OTOF: variants seen among roughly 807,000 people sequenced by gnomAD.
OTOF encodes the protein fer-1-like family member 2.
In OTOF, 218 loss-of-function variants were observed where a neutral mutation model predicts 236.8. The observed-to-expected ratio is 0.92, with a 90% confidence interval of 0.82 to 1.03. The LOEUF is 1.03. Ranked by LOEUF, OTOF falls within the 50% of genes least tolerant of loss-of-function variation. The pLI is 0.00. For missense variants in OTOF, 2,590 were observed against 2,694.4 expected (o/e 0.96, Z 0.86); for synonymous variants, 1,041 against 1,072.5 (o/e 0.97, Z 0.57).
At chr2:26,513,926 G>A (rs76222393) in intron 5 of OTOF, among the ~76,000 whole-genome samples, 3,745 of 152,266 alleles carry the variant, frequency 0.025, 149 homozygotes, top group African/African-American at 0.084. Flanking sequence ...CTAGGGCTGC[G>A]GGGCCAGCTT....
At chr2:26,507,869 T>C (rs1191403978) in intron 5 of OTOF, among the ~76,000 whole-genome samples, 1 of 152,200 alleles carries the variant, frequency 6.6e-6, no homozygotes, top group Non-Finnish European at 1.5e-5. Context: ...CTAAAATTAG[T>C]TCACTTATTG....
intron 3 of OTOF, among the ~76,000 whole-genome samples, chr2:26,522,163 T>TG (rs968805589): frequency 6.6e-6 from 1 of 152,186 alleles, no homozygotes; most frequent in African/African-American, 2.4e-5. Flanking sequence ...AAGAGTGGCT[T>TG]GGGGGGTTTT....
chr2:26,464,973 A>T lies in OTOF; in HGVS notation c.4856T>A (p.Leu1619His). The change falls in exon 39 of 47, where the codon CTC becomes CAC. Residue 1619 changes from leucine (L) to histidine (H), a missense_variant. By Grantham distance (99) the Leu-to-His change is moderately conservative. Transcript: ENST00000272371. ...GCCGTCCACTTTGCCGTCTTTGCAG[A>T]GGCGGGTCAGGATCTGGCTGGGCTT... ...PMKPSQILTR[L>H]CKDGKVDGPH... 1 of 1,544,434 alleles carries T rather than the reference A, an allele frequency of 6.5e-7. No individual in the cohort carries two copies. The highest frequency in any genetic ancestry group is 8.8e-7 in the Non-Finnish European group (1 of 1,141,288).
At chr2:26,495,623 G>A (rs796552021) in intron 8 of OTOF, among the ~76,000 whole-genome samples, 21 of 152,142 alleles carry the variant, frequency 1.4e-4, no homozygotes, top group African/African-American at 5.1e-4. Flanking sequence ...ATGGGGTTTT[G>A]CCATGTTGGC....
intron 8 of OTOF, among the ~76,000 whole-genome samples, chr2:26,499,514 T>A (rs767358592): frequency 6.6e-6 from 1 of 152,154 alleles, no homozygotes; most frequent in African/African-American, 2.4e-5. Context: ...TATTTATTTT[T>A]AATTTTCTTT....
chr2:26,516,031 G>A (rs901670312), intron 5 of OTOF, among the ~76,000 whole-genome samples: 1 of 152,212 alleles, frequency 6.6e-6, no homozygotes, highest in South Asian at 2.1e-4. Context: ...CAGGGTAGAG[G>A]TCAGGCTGCC....
intron 1 of OTOF, among the ~76,000 whole-genome samples, chr2:26,545,149 C>A (rs904646861): frequency 1.3e-5 from 2 of 152,112 alleles, no homozygotes; most frequent in Non-Finnish European, 1.5e-5. Flanking sequence ...TCAGTTGTTC[C>A]ATCCTCATCA....
At chr2:26,483,678 C>T in intron 12 of OTOF, 30 bp from the exon 13 acceptor site, 1 of 1,605,036 alleles carries the variant, frequency 6.2e-7, no homozygotes, top group Non-Finnish European at 8.5e-7. Flanking sequence ...GGGCCATGGT[C>T]ACCAGGTCCA....
chr2:26,513,597 T>TG (rs1419813826), intron 5 of OTOF, among the ~76,000 whole-genome samples: 4 of 152,214 alleles, frequency 2.6e-5, no homozygotes, highest in African/African-American at 9.6e-5. Flanking sequence ...GGTGAGACAC[T>TG]GCTGCTTGCC....
chr2:26,463,576 G>T lies in OTOF; in HGVS notation c.5104-5C>A. 6.3e-7 allele frequency: 1 copy of T among 1,596,948 alleles called. No homozygotes were observed. The highest frequency in any genetic ancestry group is 2.3e-5 in the East Asian group (1 of 44,226). On this transcript the variant is annotated splice_region_variant and splice_polypyrimidine_tract_variant and intron_variant, in intron 40 of 46. Coordinates refer to ENST00000272371, the MANE Select transcript of OTOF (RefSeq NM_194248.3). ...CACCCACAGCTCCAGGCGGCCCTGA[G>T]GAAGAGGGTTGTGGCAGATCTCCCA...
intron 41 of OTOF, 52 bp downstream of exon 41, chr2:26,463,431 A>G: frequency 7.0e-7 from 1 of 1,427,610 alleles, no homozygotes; most frequent in Middle Eastern, 1.9e-4. Flanking sequence ...CCGTGGTGGG[A>G]AGTGGGTGGG....
intron 2 of OTOF, among the ~76,000 whole-genome samples, chr2:26,528,307 C>G (rs370583521): frequency 1.3e-5 from 2 of 152,148 alleles, no homozygotes; most frequent in Non-Finnish European, 2.9e-5. Flanking sequence ...CCCAGGGAGA[C>G]AGCAAGGAAT....
rs568983113 is a variant in OTOF at position 26,511,929 on chromosome 2, C to T, written c.509+4489G>A. ...TGCATGTACTGGCCCCACATGCACA[C>T]ACTTCTGCATGCCCACTCTCTGCCC... On this transcript the variant is annotated intron_variant, in intron 5 of 46. Coordinates refer to ENST00000272371, the MANE Select transcript of OTOF (RefSeq NM_194248.3). Among the ~76,000 whole-genome samples, 7 of 152,284 alleles carry T rather than the reference C, an allele frequency of 4.6e-5. No individual in the cohort carries two copies. The South Asian group carries it at 1.2e-3, about 27-fold the overall frequency.
chr2:26,486,332 G>A (rs959893859), intron 11 of OTOF, among the ~76,000 whole-genome samples: 6 of 149,604 alleles, frequency 4.0e-5, no homozygotes, highest in South Asian at 4.3e-4. Context: ...ATGGATTCAC[G>A]GATGGGTGGG....
intron 15 of OTOF, among the ~76,000 whole-genome samples, 159 bp downstream of exon 15, chr2:26,480,627 T>G (rs1038247132): frequency 6.6e-6 from 1 of 152,174 alleles, no homozygotes; most frequent in African/African-American, 2.4e-5. Flanking sequence ...GTTGCGGGGC[T>G]GAGTGGGGGC....
intron 1 of OTOF, among the ~76,000 whole-genome samples, chr2:26,545,635 C>CA (rs530503214): frequency 1.3e-5 from 2 of 151,790 alleles, no homozygotes; most frequent in African/African-American, 2.4e-5. Flanking sequence ...CCCAAGAATA[C>CA]AAAAAAAGAT....
In OTOF at chr2:26,462,459, C is replaced by A. The variant is rs1664527404; in HGVS notation, c.5193-278G>T. On this transcript the variant is annotated intron_variant, in intron 41 of 46. Transcript: ENST00000272371. The surrounding 1 kb of genome is among the most constrained non-coding windows in gnomAD (Gnocchi z 4.7). ...GTTCCAAGAGAAGTCTGCATTTAAG[C>A]CCAGTAGCCAGCAATGGAAGCCCAT... is the stretch of plus-strand genomic sequence containing the variant. Among the ~76,000 whole-genome samples the A allele has an allele frequency of 6.6e-6, 1 of 152,202 alleles. No homozygotes were observed. The highest frequency in any genetic ancestry group is 2.4e-5 in the African/African-American group (1 of 41,440).
rs775528721 is a variant in OTOF, at chr2:26,477,673, A to C, written c.2291T>G (p.Leu764Arg). The C allele has an allele frequency of 1.2e-6, 2 of 1,612,392 alleles. No individual in the cohort carries two copies. The highest frequency in any genetic ancestry group is 2.2e-5 in the South Asian group (2 of 91,068). Residue 764 changes from leucine (L) to arginine (R), a missense_variant, in exon 19 of 47, where the codon CTG becomes CGG. By Grantham distance (102) the Leu-to-Arg change is moderately radical (BLOSUM62 -2). Around this residue, in one of 2 missense-constraint regions of OTOF, gnomAD observed 1,379 missense variants for 1,341.6 expected, o/e 1.03. Transcript: ENST00000272371. The surrounding 1 kb of genome is among the most constrained non-coding windows in gnomAD (Gnocchi z 4.7). ...CCAGCAGCCACAGCTCAGCTCCTCC[A>C]GGACGCCCCGCAGGCGACGCTCAGG... ...SYPERRLRGV[L>R]EELSCGCCRF...
At chr2:26,524,779 T>G (rs933459806) in intron 3 of OTOF, among the ~76,000 whole-genome samples, 1 of 152,232 alleles carries the variant, frequency 6.6e-6, no homozygotes, top group Non-Finnish European at 1.5e-5. Context: ...TTAACAGACA[T>G]GCATTCTAGC....
Sources: allele counts gnomAD v4.1 joint callset (sites outside exome capture counted in the v4.1 genomes callset), GRCh38; gene constraint gnomAD v4.1.1; regional missense constraint gnomAD v4.1.1; non-coding constraint Gnocchi (gnomAD v3.1); transcripts MANE v1.5; gene names NCBI Gene and HGNC (gene_info 2026-07-23, HGNC 2026-07-21).